The following JAKMIP1 variants were observed in gnomAD, a reference collection of about 807,000 sequenced individuals.
The protein encoded by JAKMIP1 is janus kinase and microtubule interacting protein 1, also known as janus kinase and microtubule-interacting protein 1.
Under a neutral mutation model 113.0 loss-of-function variants are expected in JAKMIP1, and 33 were observed. The ratio of observed to expected loss-of-function variants is 0.29; its 90% CI spans 0.22 to 0.39. The LOEUF (loss-of-function observed/expected upper bound fraction) is 0.39, where lower values mean the gene tolerates loss of function less well. Ranked by LOEUF, JAKMIP1 falls within the 10% of genes least tolerant of loss-of-function variation. JAKMIP1 has a pLI of 1.00. For synonymous variants in JAKMIP1, 480 were observed against 459.9 expected (o/e 1.04, Z -0.56); for missense variants, 813 against 1,080.5 (o/e 0.75, Z 3.47).
Position 6,185,405 on chromosome 4 carries a change from T to C in JAKMIP1, c.-148+14848A>G, listed in dbSNP as rs1431118231. On this transcript the variant is annotated intron_variant, in intron 1 of 20. Transcript: ENST00000409021. The surrounding 1 kb of genome is among the most constrained non-coding windows in gnomAD (Gnocchi z 5.3). ...GCTCACGCCTGTAATCCCAGCACTTTGGGAGGCCGAGGTGGGCGGATCATG... is the reference window on the plus strand; with the variant it reads ...GCTCACGCCTGTAATCCCAGCACTTCGGGAGGCCGAGGTGGGCGGATCATG... Among the ~76,000 whole-genome samples the C allele has an allele frequency of 6.6e-6, 1 of 151,948 alleles. No homozygotes were observed. The highest frequency in any genetic ancestry group is 1.5e-5 in the Non-Finnish European group (1 of 67,988).
rs903877342 is a variant in JAKMIP1, at chr4:6,168,404, A to T, written c.-148+31849T>A. 6.6e-6 allele frequency among the ~76,000 whole-genome samples: 1 copy of T among 152,254 alleles called. No homozygotes were observed. The highest frequency in any genetic ancestry group is 1.5e-5 in the Non-Finnish European group (1 of 68,036). The stretch of plus-strand genomic sequence containing the variant: ...AACACAACCCAAATGTGCATCAGTT[A>T]CAGATGGATAAACAAAATGTGGTCT... On this transcript the variant is annotated intron_variant, in intron 1 of 20. Transcript: ENST00000409021. The surrounding 1 kb of genome is among the most constrained non-coding windows in gnomAD (Gnocchi z 4.6).
intron 8 of JAKMIP1, among the ~76,000 whole-genome samples, chr4:6,074,142 G>A (rs1719363607): frequency 6.6e-6 from 1 of 152,208 alleles, no homozygotes; most frequent in Non-Finnish European, 1.5e-5. Context: ...TCCCATAAGG[G>A]GACTGTTGGA....
chr4:6,114,642 AAC>A (rs1224685586), intron 1 of JAKMIP1, among the ~76,000 whole-genome samples: 1 of 152,224 alleles, frequency 6.6e-6, no homozygotes, highest in East Asian at 1.9e-4. Context: ...GGTGTTTCTT[AAC>A]ACACCATGAA....
chr4:6,070,320 C>T (rs903442325), intron 8 of JAKMIP1: 12 of 385,898 alleles, frequency 3.1e-5, no homozygotes, highest in African/African-American at 6.2e-5. Flanking sequence ...GCCCTAGCAA[C>T]TCCACGGCTT....
intron 1 of JAKMIP1, among the ~76,000 whole-genome samples, chr4:6,145,140 G>C (rs375108538): frequency 1.1e-4 from 17 of 152,274 alleles, no homozygotes; most frequent in African/African-American, 2.9e-4. Flanking sequence ...GAGGATGCAA[G>C]TACCTTTTTG....
intron 1 of JAKMIP1, among the ~76,000 whole-genome samples, chr4:6,190,188 T>C (rs896606041): frequency 3.1e-5 from 4 of 129,534 alleles, no homozygotes; most frequent in East Asian, 2.0e-4. Flanking sequence ...GGGAGCTGAA[T>C]TGGGAGCAGG....
rs536696423 is a variant in JAKMIP1, at chr4:6,137,318, G to A, written c.-147-24321C>T. Among the ~76,000 whole-genome samples, 4 of 152,270 alleles carry A rather than the reference G, an allele frequency of 2.6e-5. No homozygotes were observed. Among genetic ancestry groups the A allele is most frequent in the East Asian group, 3.9e-4 (2 of 5,166 alleles). On this transcript the variant is annotated intron_variant, in intron 1 of 20. Coordinates refer to ENST00000409021, the MANE Select transcript of JAKMIP1 (RefSeq NM_001099433.2). This position sits in a 1 kb window ranked among gnomAD's most constrained non-coding sequence, Gnocchi z 4.5. The stretch of plus-strand genomic sequence containing the variant: ...ACAGCAGCCACAGTGGCTGCAAGAC[G>A]GCACGCGCTGGCATTTTCCTAACAG...
chr4:6,057,896 G>A (rs914793247), intron 11 of JAKMIP1, among the ~76,000 whole-genome samples: 36 of 152,354 alleles, frequency 2.4e-4, no homozygotes, highest in South Asian at 1.0e-3. Context: ...TCCCTGAGGT[G>A]GAGGCACCTG....
At position 6,040,436 on chromosome 4, in the gene JAKMIP1, T is replaced by A. The variant is rs1206670041; in HGVS notation, c.2175+203A>T. 1.3e-5 allele frequency among the ~76,000 whole-genome samples: 2 copies of A among 152,228 alleles called. No individual in the cohort carries two copies. Among genetic ancestry groups the A allele is most frequent in the Non-Finnish European group, 2.9e-5 (2 of 68,040 alleles). On this transcript the variant is annotated intron_variant, in intron 18 of 20. Transcript: ENST00000409021. The surrounding 1 kb of genome is among the most constrained non-coding windows in gnomAD (Gnocchi z 5.8). Reference sequence around the variant, plus strand: ...TGTCTAAGAAAACCATTAAAGTAACTTTGAATATTTTTGAAAATCACGATT... The same window carrying A: ...TGTCTAAGAAAACCATTAAAGTAACATTGAATATTTTTGAAAATCACGATT...
At chr4:6,172,766 TTGCCCAAGATGCCCCACCC>T (rs906842784) in intron 1 of JAKMIP1, among the ~76,000 whole-genome samples, 8 of 152,264 alleles carry the variant, frequency 5.3e-5, no homozygotes, top group Middle Eastern at 6.8e-3. Context: ...TGTGGCATCC[TTGCCCAAGATGCCCCACCC>T]TGCCCAAGAT....
chr4:6,067,442 T>A lies in JAKMIP1; in HGVS notation c.1303-2434A>T, dbSNP rs1718258396. On this transcript the variant is annotated intron_variant, in intron 8 of 20. Coordinates refer to ENST00000409021, the MANE Select transcript of JAKMIP1 (RefSeq NM_001099433.2). This position sits in a 1 kb window ranked among gnomAD's most constrained non-coding sequence, Gnocchi z 4.6. Reference sequence around the variant, plus strand: ...CTCTCCTTGCAGAGGCTGGAGACAATCATCTACTCAAATCTCCCCTCTGGA... The same window carrying A: ...CTCTCCTTGCAGAGGCTGGAGACAAACATCTACTCAAATCTCCCCTCTGGA... Among the ~76,000 whole-genome samples the A allele has an allele frequency of 6.6e-6, 1 of 152,104 alleles. No individual in the cohort carries two copies. The highest frequency in any genetic ancestry group is 1.5e-5 in the Non-Finnish European group (1 of 68,020).
chr4:6,077,837 A>G (rs1443827824), intron 8 of JAKMIP1, among the ~76,000 whole-genome samples: 1 of 152,052 alleles, frequency 6.6e-6, no homozygotes, highest in South Asian at 2.1e-4. Context: ...AGGCAGCCCT[A>G]GGAAGCTAAC....
intron 1 of JAKMIP1, among the ~76,000 whole-genome samples, chr4:6,172,598 G>A (rs1470804392): frequency 6.6e-6 from 1 of 152,160 alleles, no homozygotes; most frequent in African/African-American, 2.4e-5. Flanking sequence ...ATTGTGCAGG[G>A]ACTGAATCAG....
Position 6,085,402 on chromosome 4 carries a change from C to A in JAKMIP1, c.834+18G>T. ...GTGGGGGACCAGCCTGAGGCTGGCA[C>A]AAGCTGCTGCCCCTCACCTGGACGC... On this transcript the variant is annotated intron_variant, in intron 4 of 20. Coordinates refer to ENST00000409021, the MANE Select transcript of JAKMIP1 (RefSeq NM_001099433.2). 1 of 1,608,814 alleles carries A rather than the reference C, an allele frequency of 6.2e-7. No individual in the cohort carries two copies. The highest frequency in any genetic ancestry group is 2.2e-5 in the East Asian group (1 of 44,838).
Position 6,051,044 on chromosome 4 carries a change from C to G in JAKMIP1, c.1807-365G>C, listed in dbSNP as rs1715595783. On this transcript the variant is annotated intron_variant, in intron 13 of 20. Coordinates refer to ENST00000409021, the MANE Select transcript of JAKMIP1 (RefSeq NM_001099433.2). The surrounding 1 kb of genome is among the most constrained non-coding windows in gnomAD (Gnocchi z 5.0). ...AAAAGCCACCAACTATGGTTTATTA[C>G]TCTGTGCCAGGCACACCACTCTCCC... is the stretch of plus-strand genomic sequence containing the variant. 6.6e-6 allele frequency among the ~76,000 whole-genome samples: 1 copy of G among 152,208 alleles called. No individual in the cohort carries two copies. Among genetic ancestry groups the G allele is most frequent in the African/African-American group, 2.4e-5 (1 of 41,454 alleles).
chr4:6,140,481 C>T lies in JAKMIP1; in HGVS notation c.-147-27484G>A, dbSNP rs189487864. On this transcript the variant is annotated intron_variant, in intron 1 of 20. Transcript: ENST00000409021. This position sits in a 1 kb window ranked among gnomAD's most constrained non-coding sequence, Gnocchi z 9.4. ...TCATCAACACTGGGGGTCAGTGATT[C>T]GTGGTCCCCCCGATCAGCTTAAGGC... Among the ~76,000 whole-genome samples the T allele has an allele frequency of 1.9e-3, 291 of 152,128 alleles. 2 individuals carry two copies. In the Middle Eastern group the frequency reaches 0.024, roughly 12 times the overall value.
rs1028825855 is a variant in JAKMIP1, at chr4:6,136,044, A to C, written c.-147-23047T>G. ...GTGGATCACTTGAGGTCAGGAGTTC[A>C]AGATCAGCCTGGCGAACAGGGTGAA... On this transcript the variant is annotated intron_variant, in intron 1 of 20. Transcript: ENST00000409021. This position sits in a 1 kb window ranked among gnomAD's most constrained non-coding sequence, Gnocchi z 5.9. Among the ~76,000 whole-genome samples the C allele has an allele frequency of 2.6e-5, 4 of 152,238 alleles. No homozygotes were observed. Among genetic ancestry groups the C allele is most frequent in the African/African-American group, 4.8e-5 (2 of 41,540 alleles).
chr4:6,117,052 C>T (rs1715895538), intron 1 of JAKMIP1, among the ~76,000 whole-genome samples: 1 of 152,204 alleles, frequency 6.6e-6, no homozygotes, highest in African/African-American at 2.4e-5. Context: ...AAGCCAAGAG[C>T]CAGGCCCTCT....
chr4:6,098,821 G>A (rs1183694732), intron 3 of JAKMIP1, among the ~76,000 whole-genome samples: 1 of 152,218 alleles, frequency 6.6e-6, no homozygotes, highest in Non-Finnish European at 1.5e-5. Context: ...GCTGGCTCCT[G>A]CCGCTTCCTG....
Sources: gnomAD v4.1 joint callset for allele counts (sites outside exome capture counted in the v4.1 genomes callset) on GRCh38, gnomAD v4.1.1 for gene constraint, Gnocchi (gnomAD v3.1) non-coding constraint, MANE v1.5 for transcripts, NCBI Gene and HGNC (gene_info 2026-07-23, HGNC 2026-07-21) for gene names.